RABEP1: variants seen among roughly 807,000 people sequenced by gnomAD.
RABEP1 encodes rabaptin, RAB GTPase binding effector protein 1.
Under a neutral mutation model 123.4 loss-of-function variants are expected in RABEP1, and 51 were observed. That is an observed-to-expected ratio of 0.41 (90% confidence interval 0.33 to 0.52). The LOEUF (loss-of-function observed/expected upper bound fraction) is 0.52. Among genes scored for constraint, RABEP1 ranks in the 20% least tolerant of loss-of-function variants. RABEP1 has a pLI of 0.16. For synonymous variants in RABEP1, 347 were observed against 355.2 expected (o/e 0.98, Z 0.26); for missense variants, 888 against 996.3 (o/e 0.89, Z 1.46).
chr17:5,307,189 A>C (rs1301325246), intron 1 of RABEP1, among the ~76,000 whole-genome samples: 1 of 152,118 alleles, frequency 6.6e-6, no homozygotes, highest in Non-Finnish European at 1.5e-5. Context: ...GTGGTGGCAC[A>C]TGCCTGTAGT....
chr17:5,313,247 G>A (rs2075262660), intron 2 of RABEP1, among the ~76,000 whole-genome samples: 1 of 152,154 alleles, frequency 6.6e-6, no homozygotes, highest in African/African-American at 2.4e-5. Context: ...AAGATGACCT[G>A]TAATACATTT....
chr17:5,324,532 T>G (rs1002701126), intron 2 of RABEP1, among the ~76,000 whole-genome samples: 4 of 152,174 alleles, frequency 2.6e-5, no homozygotes, highest in Admixed American at 6.6e-5. Context: ...AAGATTTGTG[T>G]GTGTGTAAGA....
chr17:5,354,512 A>G (rs1023703484), intron 8 of RABEP1, 22 bp downstream of exon 8: 5 of 1,584,716 alleles, frequency 3.2e-6, no homozygotes, highest in African/African-American at 2.7e-5. Flanking sequence ...CTATAATTAA[A>G]GTCATTAAAT....
chr17:5,363,185 A>C (rs1404041836), intron 10 of RABEP1, among the ~76,000 whole-genome samples, 169 bp downstream of exon 10: 2 of 149,604 alleles, frequency 1.3e-5, no homozygotes, highest in Non-Finnish European at 3.0e-5. Flanking sequence ...TTCCAGTGGG[A>C]GCTCACTAGG....
intron 12 of RABEP1, among the ~76,000 whole-genome samples, chr17:5,369,580 T>G (rs944474150): frequency 6.6e-6 from 1 of 152,208 alleles, no homozygotes; most frequent in African/African-American, 2.4e-5. Flanking sequence ...TTTCATGTGT[T>G]TTCTCTAATT....
chr17:5,372,166 T>A (rs1452506819), intron 12 of RABEP1, among the ~76,000 whole-genome samples: 2 of 152,016 alleles, frequency 1.3e-5, no homozygotes, highest in African/African-American at 2.4e-5. Context: ...CTTCTCTGGC[T>A]GGGTGCGGTG....
At chr17:5,327,778 T>C (rs954283854) in intron 2 of RABEP1, among the ~76,000 whole-genome samples, 3 of 152,312 alleles carry the variant, frequency 2.0e-5, no homozygotes, top group African/African-American at 7.2e-5. Context: ...GGCAAAACAG[T>C]ATAAAGCTAT....
chr17:5,371,029 C>T (rs977725725), intron 12 of RABEP1, among the ~76,000 whole-genome samples: 3 of 151,560 alleles, frequency 2.0e-5, no homozygotes, highest in South Asian at 2.1e-4. Context: ...TGCAGTGGCG[C>T]GATCTCGGCT....
intron 1 of RABEP1, among the ~76,000 whole-genome samples, chr17:5,292,410 A>T (rs1275892621): frequency 1.3e-5 from 2 of 149,088 alleles, no homozygotes; most frequent in African/African-American, 5.0e-5. Context: ...TTTTTTTGAG[A>T]TGGAGTTTCG....
intron 13 of RABEP1, among the ~76,000 whole-genome samples, chr17:5,376,116 A>G (rs944974973): frequency 2.0e-5 from 3 of 152,076 alleles, no homozygotes; most frequent in Admixed American, 2.0e-4. Context: ...TGCTGGGATT[A>G]CAGGCTTTAG....
At chr17:5,317,967 G>A (rs1468274560) in intron 2 of RABEP1, among the ~76,000 whole-genome samples, 4 of 152,188 alleles carry the variant, frequency 2.6e-5, no homozygotes, top group African/African-American at 9.7e-5. Context: ...GAAGGTTCGT[G>A]GTGGGTGGTG....
At chr17:5,331,712 T>G (rs1906562417) in intron 2 of RABEP1, among the ~76,000 whole-genome samples, 1 of 152,138 alleles carries the variant, frequency 6.6e-6, no homozygotes, top group Non-Finnish European at 1.5e-5. Context: ...CCAAGTTCAT[T>G]TAGTCAGCAG....
intron 1 of RABEP1, among the ~76,000 whole-genome samples, chr17:5,299,214 C>T (rs867865995): frequency 6.6e-6 from 1 of 152,078 alleles, no homozygotes; most frequent in Non-Finnish European, 1.5e-5. Context: ...TTTACATTGA[C>T]TCCTAAATCT....
intron 7 of RABEP1, among the ~76,000 whole-genome samples, chr17:5,352,582 G>A (rs1362526145): frequency 6.6e-6 from 1 of 150,752 alleles, no homozygotes; most frequent in Non-Finnish European, 1.5e-5. Flanking sequence ...TGTAATCCCA[G>A]CACTTTGGGA....
intron 1 of RABEP1, 25 bp downstream of exon 1, chr17:5,282,545 C>A: frequency 8.5e-7 from 1 of 1,177,940 alleles, no homozygotes; most frequent in East Asian, 3.5e-5. Flanking sequence ...ATGGCAGGCG[C>A]GGCGGGCGCG....
At chr17:5,302,554 C>CT (rs1416890449) in intron 1 of RABEP1, among the ~76,000 whole-genome samples, 5 of 149,496 alleles carry the variant, frequency 3.3e-5, no homozygotes, top group Non-Finnish European at 4.4e-5. Context: ...TTACCTTAGT[C>CT]TATAAAGTTA....
chr17:5,367,004 G>C (rs932742982), intron 11 of RABEP1, among the ~76,000 whole-genome samples: 8 of 151,114 alleles, frequency 5.3e-5, no homozygotes, highest in African/African-American at 1.9e-4. Flanking sequence ...CAGGAGAATC[G>C]CTTGAACCCG....
At chr17:5,318,091 T>G (rs1178684831) in intron 2 of RABEP1, among the ~76,000 whole-genome samples, 1 of 152,186 alleles carries the variant, frequency 6.6e-6, no homozygotes, top group Non-Finnish European at 1.5e-5. Flanking sequence ...TGCAAATAAA[T>G]GTTTCCCTGA....
intron 12 of RABEP1, among the ~76,000 whole-genome samples, chr17:5,373,046 C>A (rs116265688): frequency 0.014 from 2,155 of 152,314 alleles, 46 homozygotes; most frequent in African/African-American, 0.049. Flanking sequence ...GCGTGAGCCA[C>A]CACACCCAAC....
Sources: allele counts gnomAD v4.1 joint callset (sites outside exome capture counted in the v4.1 genomes callset), GRCh38; gene constraint gnomAD v4.1.1; transcripts MANE v1.5; gene names NCBI Gene and HGNC (gene_info 2026-07-23, HGNC 2026-07-21).